The following OPHN1 variants were observed in gnomAD, a reference collection of about 807,000 sequenced individuals.
The protein encoded by OPHN1 is oligophrenin 1, also known as oligophrenin-1.
In OPHN1, 11 loss-of-function variants were observed where a neutral mutation model predicts 60.7. The observed-to-expected ratio is 0.18, with a 90% CI of 0.11 to 0.30. OPHN1 has a LOEUF of 0.30. Ranked by LOEUF, OPHN1 falls within the 10% of genes least tolerant of loss-of-function variation. The pLI, the probability that OPHN1 is intolerant of heterozygous loss-of-function variation, is 1.00. For synonymous variants in OPHN1, 226 were observed against 222.6 expected (o/e 1.02, Z -0.14); for missense variants, 449 against 611.0 (o/e 0.73, Z 2.80).
chrX:68,317,269 C>T (rs2078203772), intron 2 of OPHN1, among the ~76,000 whole-genome samples: 1 of 98,398 alleles, frequency 1.0e-5, no homozygotes, highest in African/African-American at 3.8e-5. Context: ...CAATGCTCTG[C>T]AGCCTGGGCA....
At chrX:68,222,328 G>T (rs1481362201) in intron 6 of OPHN1, among the ~76,000 whole-genome samples, 2 of 107,942 alleles carry the variant, frequency 1.9e-5, no homozygotes, top group African/African-American at 6.8e-5. Context: ...TACACTGTTG[G>T]TGGGACTGTA....
intron 16 of OPHN1, 81 bp downstream of exon 16, chrX:68,119,167 G>A: frequency 4.3e-6 from 3 of 696,410 alleles, no homozygotes; most frequent in Non-Finnish European, 7.0e-6. Flanking sequence ...TCCTGGAACT[G>A]AGACCACGTT....
intron 15 of OPHN1, among the ~76,000 whole-genome samples, chrX:68,138,167 T>C (rs567351996): frequency 1.8e-5 from 2 of 112,198 alleles, no homozygotes; most frequent in South Asian, 7.5e-4. Flanking sequence ...AGCTGGCTGA[T>C]AGCCTCAACT....
At chrX:68,182,713 C>G (rs1228856587) in intron 15 of OPHN1, among the ~76,000 whole-genome samples, 2 of 111,502 alleles carry the variant, frequency 1.8e-5, no homozygotes, top group African/African-American at 6.5e-5. Context: ...GAGTTCCAGA[C>G]CAGCCTGGCC....
At chrX:68,194,602 G>T in intron 12 of OPHN1, 104 bp from the exon 13 acceptor site, 1 of 699,972 alleles carries the variant, frequency 1.4e-6, no homozygotes, top group South Asian at 2.3e-5. Context: ...CATTAAAAAT[G>T]ATTAGAAACT....
intron 5 of OPHN1, among the ~76,000 whole-genome samples, chrX:68,254,317 G>A (rs945156583): frequency 9.0e-6 from 1 of 111,370 alleles, no homozygotes; most frequent in Non-Finnish European, 1.9e-5. Context: ...AACAAGATAT[G>A]GTGAAAGTGC....
intron 15 of OPHN1, among the ~76,000 whole-genome samples, chrX:68,144,183 T>G (rs1160974469): frequency 9.1e-6 from 1 of 110,398 alleles, no homozygotes; most frequent in Non-Finnish European, 1.9e-5. Context: ...CACACCTGGT[T>G]ATTTTTTTTA....
chrX:68,081,320 C>A (rs1215043133), intron 19 of OPHN1, among the ~76,000 whole-genome samples: 1 of 111,465 alleles, frequency 9.0e-6, no homozygotes, highest in African/African-American at 3.3e-5. Context: ...TGTGTTGGAG[C>A]TTTGCTATGT....
intron 17 of OPHN1, among the ~76,000 whole-genome samples, chrX:68,112,969 C>T (rs1442848282): frequency 2.7e-5 from 3 of 111,880 alleles, no homozygotes; most frequent in Non-Finnish European, 3.8e-5. Flanking sequence ...TTTTCTCAAG[C>T]CCACTTAAGT....
At chrX:68,064,245 G>T (rs899498198) in intron 20 of OPHN1, 68 bp from the exon 21 acceptor site, 23 of 1,032,384 alleles carry the variant, frequency 2.2e-5, no homozygotes, top group Non-Finnish European at 3.1e-5. Context: ...TTTGATACAT[G>T]CATACATACT....
At chrX:68,078,455 A>G (rs756091155) in intron 19 of OPHN1, among the ~76,000 whole-genome samples, 2 of 112,005 alleles carry the variant, frequency 1.8e-5, no homozygotes, top group South Asian at 7.4e-4. Context: ...GTGGAGGAAA[A>G]CAGAATACAT....
In OPHN1 at chrX:68,105,479, A is replaced by G. The variant is rs180897211; in HGVS notation, c.1526+6375T>C. Reference sequence around the variant, plus strand: ...ACACCATGGAATACTACGCAGCCATAAAAAAGGATGAGATCATGTCCTTTG... The same window carrying G: ...ACACCATGGAATACTACGCAGCCATGAAAAAGGATGAGATCATGTCCTTTG... On this transcript the variant is annotated intron_variant, in intron 18 of 24. Coordinates refer to ENST00000355520, the MANE Select transcript of OPHN1 (RefSeq NM_002547.3). Among the ~76,000 whole-genome samples the G allele has an allele frequency of 2.6e-3, 290 of 111,062 alleles. 1 individual carries two copies. The highest frequency in any genetic ancestry group is 9.1e-3 in the African/African-American group (277 of 30,499).
intron 2 of OPHN1, among the ~76,000 whole-genome samples, chrX:68,371,677 T>C (rs1330119591): frequency 8.9e-6 from 1 of 112,365 alleles, no homozygotes; most frequent in African/African-American, 3.2e-5. Context: ...CAGGTTTGTG[T>C]CAATACACAA....
intron 2 of OPHN1, among the ~76,000 whole-genome samples, chrX:68,367,371 A>C (rs1366741067): frequency 5.6e-5 from 6 of 107,641 alleles, no homozygotes; most frequent in Non-Finnish European, 9.6e-5. Context: ...AAAAAAAAAA[A>C]ACACAAGCAG....
chrX:68,255,625 TC>T (rs1438435236), intron 5 of OPHN1, among the ~76,000 whole-genome samples: 1 of 110,367 alleles, frequency 9.1e-6, no homozygotes, highest in Non-Finnish European at 1.9e-5. Context: ...CATCAACTCT[TC>T]CCTGAGTCTC....
intron 6 of OPHN1, among the ~76,000 whole-genome samples, chrX:68,220,336 G>T (rs985766197): frequency 9.3e-6 from 1 of 107,839 alleles, no homozygotes; most frequent in African/African-American, 3.4e-5. Flanking sequence ...ATTCACAGCC[G>T]AATTCTACCA....
At chrX:68,091,800 C>G (rs1314189882) in intron 19 of OPHN1, among the ~76,000 whole-genome samples, 2 of 111,043 alleles carry the variant, frequency 1.8e-5, no homozygotes, top group African/African-American at 6.6e-5. Flanking sequence ...TCCAAATTAC[C>G]TCTATGCCTC....
intron 2 of OPHN1, among the ~76,000 whole-genome samples, chrX:68,325,147 T>C (rs1403529105): frequency 9.0e-6 from 1 of 111,161 alleles, no homozygotes; most frequent in East Asian, 2.8e-4. Flanking sequence ...GGGTCTGTTC[T>C]CTCAATCAAT....
intron 2 of OPHN1, among the ~76,000 whole-genome samples, chrX:68,333,172 T>TA (rs1415556960): frequency 1.8e-5 from 2 of 109,938 alleles, no homozygotes; most frequent in Non-Finnish European, 3.8e-5. Context: ...TTCATGCCTG[T>TA]AATCTTAGTA....
Sources: allele counts gnomAD v4.1 joint callset (sites outside exome capture counted in the v4.1 genomes callset), GRCh38; gene constraint gnomAD v4.1.1; transcripts MANE v1.5; gene names NCBI Gene and HGNC (gene_info 2026-07-23, HGNC 2026-07-21).